Variants in GRIP1 observed in about 807,000 individuals in gnomAD.
GRIP1 encodes the protein glutamate receptor interacting protein 1, also known as glutamate receptor-interacting protein 1.
In GRIP1, 45 loss-of-function variants were observed where a neutral mutation model predicts 129.9. The ratio of observed to expected loss-of-function variants is 0.35; its 90% CI spans 0.27 to 0.44. The LOEUF (loss-of-function observed/expected upper bound fraction) is 0.44. Among genes scored for constraint, GRIP1 ranks in the 20% least tolerant of loss-of-function variants. The pLI is 1.00. For missense variants in GRIP1, 1,196 were observed against 1,396.8 expected (o/e 0.86, Z 2.29); for synonymous variants, 530 against 520.8 (o/e 1.02, Z -0.24).
chr12:66,725,999 C>T (rs2036243086), intron 1 of GRIP1, among the ~76,000 whole-genome samples: 1 of 152,148 alleles, frequency 6.6e-6, no homozygotes, highest in Non-Finnish European at 1.5e-5. Flanking sequence ...AAACCAGAAA[C>T]AGATCTACTT....
intron 1 of GRIP1, among the ~76,000 whole-genome samples, chr12:66,606,146 G>C (rs533035534): frequency 1.3e-5 from 2 of 152,130 alleles, no homozygotes; most frequent in Non-Finnish European, 2.9e-5. Flanking sequence ...GGGAAACCAA[G>C]ATTTTTCCAG....
chr12:66,472,408 T>C (rs1032639324), intron 7 of GRIP1, among the ~76,000 whole-genome samples: 5 of 152,188 alleles, frequency 3.3e-5, no homozygotes, highest in African/African-American at 9.7e-5. Context: ...TTGAATCTCA[T>C]GAAGTTTCTA....
At chr12:66,538,994 G>C in intron 4 of GRIP1, 84 bp downstream of exon 4, 1 of 1,115,646 alleles carries the variant, frequency 9.0e-7, no homozygotes, top group Admixed American at 1.7e-5. Flanking sequence ...ATATATATAG[G>C]GTTTGGTATT....
At chr12:66,859,050 T>C (rs772260164) in intron 1 of GRIP1, among the ~76,000 whole-genome samples, 4 of 151,890 alleles carry the variant, frequency 2.6e-5, no homozygotes, top group Non-Finnish European at 4.4e-5. Flanking sequence ...TCTGTCCAGG[T>C]ATTTTTTCCT....
In GRIP1 at chr12:66,444,655, T is replaced by A. The variant is rs932838727; in HGVS notation, c.1616A>T (p.Glu539Val). Residue 539 changes from glutamate to valine, a missense_variant, in exon 13 of 25, where the codon GAA becomes GTA. Coordinates refer to ENST00000359742, the MANE Select transcript of GRIP1 (RefSeq NM_001366722.1). Reference sequence around the variant, plus strand: ...AGAGTCTCGGAGGAGCTGACTGGCTTCTTCGAAGGTGCTGTCTTCTGTTGG... The same window carrying A: ...AGAGTCTCGGAGGAGCTGACTGGCTACTTCGAAGGTGCTGTCTTCTGTTGG... Reference protein sequence around the residue: ...GIPTEDSTFEEASQLLRDSSI... With the variant: ...GIPTEDSTFEVASQLLRDSSI... 1 of 1,613,992 alleles carries A rather than the reference T, an allele frequency of 6.2e-7. No homozygotes were observed. Among genetic ancestry groups the A allele is most frequent in the African/African-American group, 1.3e-5 (1 of 75,022 alleles).
intron 1 of GRIP1, among the ~76,000 whole-genome samples, chr12:66,622,773 T>C (rs1031059584): frequency 6.6e-6 from 1 of 152,138 alleles, no homozygotes; most frequent in African/African-American, 2.4e-5. Flanking sequence ...TCATTTTCCC[T>C]ATACCTGCCT....
intron 1 of GRIP1, among the ~76,000 whole-genome samples, chr12:66,855,106 G>T (rs962719036): frequency 2.6e-5 from 4 of 151,816 alleles, no homozygotes; most frequent in Admixed American, 6.6e-5. Context: ...AACCAAACTA[G>T]TAATCAAATG....
intron 2 of GRIP1, among the ~76,000 whole-genome samples, chr12:66,573,603 C>T (rs1422646862): frequency 1.3e-5 from 2 of 152,150 alleles, no homozygotes; most frequent in East Asian, 1.9e-4. Flanking sequence ...TCAAGTAAGG[C>T]AGGCTAGCTC....
At chr12:66,541,104 T>C (rs1484702191) in intron 3 of GRIP1, among the ~76,000 whole-genome samples, 1 of 152,186 alleles carries the variant, frequency 6.6e-6, no homozygotes, top group African/African-American at 2.4e-5. Context: ...CATGAGTCAC[T>C]GCCCGGCCTG....
intron 2 of GRIP1, among the ~76,000 whole-genome samples, chr12:66,555,393 G>T (rs1407029148): frequency 6.6e-6 from 1 of 152,114 alleles, no homozygotes; most frequent in Non-Finnish European, 1.5e-5. Flanking sequence ...CAAAAAATTA[G>T]ATTCCAACAC....
upstream of GRIP1, among the ~76,000 whole-genome samples, chr12:66,683,301 T>C (rs1027929573): frequency 6.6e-6 from 1 of 152,108 alleles, no homozygotes; most frequent in Non-Finnish European, 1.5e-5. Context: ...TGTCTGCTAC[T>C]TAGTTCAACT....
At chr12:66,638,904 C>T (rs1054209755) in intron 1 of GRIP1, among the ~76,000 whole-genome samples, 4 of 152,130 alleles carry the variant, frequency 2.6e-5, no homozygotes, top group African/African-American at 7.2e-5. Context: ...CAGCTCTGTG[C>T]CTTTGGGCAT....
intron 1 of GRIP1, among the ~76,000 whole-genome samples, chr12:66,606,173 A>ATC (rs1337963807): frequency 6.6e-6 from 1 of 152,192 alleles, no homozygotes; most frequent in Non-Finnish European, 1.5e-5. Context: ...ATTTTCATTA[A>ATC]TTTTTAAAAC....
intron 16 of GRIP1, among the ~76,000 whole-genome samples, chr12:66,404,238 T>C: frequency 6.6e-6 from 1 of 152,250 alleles, no homozygotes; most frequent in East Asian, 1.9e-4. Context: ...TTATTATCAA[T>C]TGTACTGATG....
chr12:66,743,897 C>T lies in GRIP1; in HGVS notation c.-420+60156G>A, dbSNP rs537011021. On this transcript the variant is annotated intron_variant, in intron 1 of 4. Transcript: ENST00000538373. Reference sequence around the variant, plus strand: ...TATTCAAGTGAAAGGAGGCAATTTTCATTGACAGTAGCTTCTCTACCTTCC... The same window carrying T: ...TATTCAAGTGAAAGGAGGCAATTTTTATTGACAGTAGCTTCTCTACCTTCC... Among the ~76,000 whole-genome samples, 7 of 152,298 alleles carry T rather than the reference C, an allele frequency of 4.6e-5. 1 individual carries two copies. In the South Asian group the frequency reaches 1.5e-3, roughly 32 times the overall value.
At position 66,896,480 on chromosome 12, in the gene GRIP1, G is replaced by GAAA. The variant is rs5798843; in HGVS notation, c.58+172567_58+172569dup. Among the ~76,000 whole-genome samples, 164 of 107,864 alleles carry GAAA rather than the reference G, an allele frequency of 1.5e-3. 1 individual carries two copies. The highest frequency in any genetic ancestry group is 3.5e-3 in the African/African-American group (118 of 33,976). 70.8% of individuals were successfully genotyped at this position (107,864 alleles called of 152,430 possible). The stretch of plus-strand genomic sequence containing the variant: ...TGAGAATATTACCTCTGAGGAATTT[G>GAAA]AAAAAAAAAAAAAAAACTTTGGTGG... On this transcript the variant is annotated intron_variant, in intron 1 of 1. Transcript: ENST00000643019.
chr12:66,486,013 C>G (rs1318468449), intron 7 of GRIP1, among the ~76,000 whole-genome samples: 1 of 151,984 alleles, frequency 6.6e-6, no homozygotes, highest in Non-Finnish European at 1.5e-5. Flanking sequence ...TTAATTACTT[C>G]AGCTTTTTAA....
intron 15 of GRIP1, among the ~76,000 whole-genome samples, chr12:66,420,375 C>T (rs1464780590): frequency 1.3e-5 from 2 of 150,152 alleles, no homozygotes; most frequent in African/African-American, 4.9e-5. Context: ...AACTTATCAC[C>T]TCTGTTTGGG....
At chr12:66,610,192 T>G (rs928090084) in intron 1 of GRIP1, among the ~76,000 whole-genome samples, 1 of 151,784 alleles carries the variant, frequency 6.6e-6, no homozygotes, top group Non-Finnish European at 1.5e-5. Context: ...TATGAGAAAA[T>G]CAGGAAGGAA....
Sources: allele counts gnomAD v4.1 joint callset (sites outside exome capture counted in the v4.1 genomes callset), GRCh38; gene constraint gnomAD v4.1.1; transcripts MANE v1.5; gene names NCBI Gene and HGNC (gene_info 2026-07-23, HGNC 2026-07-21).